SLC2A11: variants seen among roughly 807,000 people sequenced by gnomAD.
SLC2A11 encodes solute carrier family 2 member 11.
In SLC2A11, 43 loss-of-function variants were observed where a neutral mutation model predicts 52.1. The observed-to-expected ratio is 0.82, with a 90% CI of 0.65 to 1.06. The LOEUF is 1.06. Ranked by LOEUF, SLC2A11 falls within the 50% of genes least tolerant of loss-of-function variation. The pLI is 0.00. For synonymous variants in SLC2A11, 261 were observed against 277.6 expected (o/e 0.94, Z 0.59); for missense variants, 582 against 654.2 (o/e 0.89, Z 1.20).
In SLC2A11 at chr22:23,882,847, A is replaced by C; in HGVS notation, c.971A>C (p.Glu324Ala). 6.2e-7 allele frequency: 1 copy of C among 1,613,192 alleles called. No individual in the cohort carries two copies. Among genetic ancestry groups the C allele is most frequent in the Non-Finnish European group, 8.5e-7 (1 of 1,179,596 alleles). Reference sequence around the variant, plus strand: ...GCGATCATCGGGACTGGGAGCTGCGAGCTGCTCACGGCGGTTGTTAGTGTG... The same window carrying C: ...GCGATCATCGGGACTGGGAGCTGCGCGCTGCTCACGGCGGTTGTTAGTGTG... ...QYAIIGTGSC[E>A]LLTAVVSCVV... The change falls in exon 8 of 12, where the codon GAG (glutamate) becomes GCG (alanine). Residue 324 changes from glutamate to alanine, a missense_variant. Glu to Ala is a moderately radical substitution (Grantham distance 107). Transcript: ENST00000316185.
intron 6 of SLC2A11, chr22:23,882,071 CACACACACACAGAG>C: frequency 3.6e-6 from 1 of 279,222 alleles, no homozygotes; most frequent in Non-Finnish European, 6.7e-6. Flanking sequence ...GAGAGAAACA[CACACACACACAGAG>C]ACACACACAG....
In SLC2A11 at chr22:23,877,075, G is replaced by A. The variant is rs768693426; in HGVS notation, c.449G>A (p.Gly150Glu). 1.2e-6 allele frequency: 2 copies of A among 1,613,998 alleles called. No individual in the cohort carries two copies. Among genetic ancestry groups the A allele is most frequent in the Non-Finnish European group, 1.7e-6 (2 of 1,179,986 alleles). The part of the protein sequence containing the change: ...VSMNIQPMYL[G>E]ESAPKELRGA... ...ATGAACATCCAGCCCATGTACCTGG[G>A]GGAGAGCGCCCCTAAGGAGCTCCGA... Residue 150 changes from glycine to glutamate, a missense_variant, in exon 5 of 12, where the codon GGG (glycine) becomes GAG (glutamate). Transcript: ENST00000316185.
intron 1 of SLC2A11, 158 bp downstream of exon 1, chr22:23,858,187 A>T: frequency 8.8e-7 from 1 of 1,136,706 alleles, no homozygotes. Flanking sequence ...TGCTAGGCTC[A>T]GATGTGCATA....
At chr22:23,857,587 C>A (rs1405820562), upstream of SLC2A11, 2 of 1,451,822 alleles carry the variant, frequency 1.4e-6, no homozygotes, top group South Asian at 2.4e-5. Flanking sequence ...ACCCCCCCCC[C>A]GCGGCGGCGA....
intron 2 of SLC2A11, chr22:23,865,485 G>A (rs1309701873): frequency 6.6e-6 from 1 of 152,282 alleles, no homozygotes; most frequent in Non-Finnish European, 1.5e-5. Flanking sequence ...TATTCAAGAG[G>A]TGGCAAGCAC....
At chr22:23,883,096 C>A (rs1433186419) in intron 8 of SLC2A11, 1 of 594,128 alleles carries the variant, frequency 1.7e-6, no homozygotes, top group South Asian at 1.8e-5. Context: ...CCCGTCTCTA[C>A]TAAAAAATAC....
intron 8 of SLC2A11, chr22:23,883,231 C>T (rs2032890469): frequency 2.6e-6 from 1 of 378,416 alleles, no homozygotes; most frequent in Non-Finnish European, 5.1e-6. Flanking sequence ...CATTGCACTC[C>T]AGCCCAGGCA....
chr22:23,874,926 C>T (rs1008892722), intron 3 of SLC2A11, among the ~76,000 whole-genome samples, 191 bp from the exon 4 acceptor site: 2 of 152,122 alleles, frequency 1.3e-5, no homozygotes, highest in South Asian at 2.1e-4. Context: ...TTACAACAGA[C>T]GTGTAAGTGT....
At chr22:23,857,299 G>A (rs2031869012), upstream of SLC2A11, 2 of 935,868 alleles carry the variant, frequency 2.1e-6, no homozygotes, top group Admixed American at 4.2e-5. Context: ...AGGGGCCAGA[G>A]CCGGAATTTC....
chr22:23,862,171 A>G lies in SLC2A11; in HGVS notation c.98A>G (p.Tyr33Cys), dbSNP rs753237184. ...AGIGGTFQFG[Y>C]NLSIINAPTL... ...ATTGGTGGGACTTTTCAGTTTGGCT[A>G]TAACCTCTCTATCATCAATGCCCCG... The change falls in exon 2 of 12, where the codon TAT becomes TGT. Residue 33 changes from tyrosine (Y) to cysteine (C), a missense_variant. Transcript: ENST00000316185. 24 of 1,613,828 alleles carry G rather than the reference A, an allele frequency of 1.5e-5. No individual in the cohort carries two copies. The highest frequency in any genetic ancestry group is 1.8e-5 in the Non-Finnish European group (21 of 1,179,944).
At chr22:23,858,255 G>C (rs1044245730) in intron 1 of SLC2A11, 1 of 703,532 alleles carries the variant, frequency 1.4e-6, no homozygotes, top group Non-Finnish European at 2.6e-6. Flanking sequence ...CTGGACCCTG[G>C]CATCCCAGCC....
In SLC2A11 at chr22:23,882,553, C is replaced by A; in HGVS notation, c.789C>A (p.Arg263=). Residue 263 remains arginine, a synonymous_variant, in exon 7 of 12, where the codon CGC becomes CGA. Transcript: ENST00000316185. ...RAACQGCRAR[R]PWELFQHRAL... is the part of the protein sequence containing the mutation. ...CCTGCCAGGGCTGCCGTGCCCGGCG[C>A]CCATGGGAGCTGTTCCAGCATCGGG... 6.2e-7 allele frequency: 1 copy of A among 1,611,308 alleles called. No homozygotes were observed. The highest frequency in any genetic ancestry group is 8.5e-7 in the Non-Finnish European group (1 of 1,179,048).
chr22:23,862,865 C>T (rs907446754), intron 2 of SLC2A11, among the ~76,000 whole-genome samples: 3 of 152,258 alleles, frequency 2.0e-5, no homozygotes, highest in Non-Finnish European at 2.9e-5. Flanking sequence ...TCATGTGATC[C>T]GCCTGCCTCA....
rs767788279 is a variant in SLC2A11, at chr22:23,858,042, A to G, written c.30+13A>G. On this transcript the variant is annotated intron_variant, in intron 1 of 11. Coordinates refer to ENST00000316185, the MANE Select transcript of SLC2A11 (RefSeq NM_001024939.4). ...GCGATCTAGAATGGTATGAATTCTC[A>G]TACTTGCCCAGACCAGGCGTTTCAG... The G allele has an allele frequency of 6.4e-7, 1 of 1,556,438 alleles. No individual in the cohort carries two copies. The highest frequency in any genetic ancestry group is 1.2e-5 in the South Asian group (1 of 84,390).
At position 23,877,935 on chromosome 22, in the gene SLC2A11, G is replaced by C. The variant is rs558690362; in HGVS notation, c.694+66G>C. On this transcript the variant is annotated intron_variant, in intron 6 of 11. Coordinates refer to ENST00000316185, the MANE Select transcript of SLC2A11 (RefSeq NM_001024939.4). ...AGGGATGCATCTCCCCAGAGTATAC[G>C]GGTCCCCATTTCATAGGTTTCATTT... The C allele has an allele frequency of 2.1e-5, 31 of 1,497,558 alleles. No individual in the cohort carries two copies. In the East Asian group the frequency reaches 5.6e-4, roughly 27 times the overall value. 92.8% of individuals were successfully genotyped at this position (1,497,558 alleles called of 1,614,324 possible). A position where few individuals can be genotyped will look rare whatever the true frequency, so the allele number is the denominator to read the frequency against.
At chr22:23,863,215 C>T (rs2032135491) in intron 2 of SLC2A11, among the ~76,000 whole-genome samples, 2 of 152,176 alleles carry the variant, frequency 1.3e-5, no homozygotes, top group South Asian at 4.1e-4. Flanking sequence ...CTGTAGAAGC[C>T]CACCCCAGAT....
chr22:23,863,522 T>G (rs2032147941), intron 2 of SLC2A11, among the ~76,000 whole-genome samples: 1 of 151,712 alleles, frequency 6.6e-6, no homozygotes, highest in Non-Finnish European at 1.5e-5. Flanking sequence ...GATGTGGGGC[T>G]TCACACAGCA....
intron 2 of SLC2A11, chr22:23,867,823 T>G (rs1015294012): frequency 5.8e-5 from 27 of 466,126 alleles, no homozygotes; most frequent in Non-Finnish European, 1.1e-4. Flanking sequence ...AGCAACCTAC[T>G]CTCCCAGGAT....
chr22:23,882,768 T>C lies in SLC2A11; in HGVS notation c.892T>C (p.Tyr298His), dbSNP rs2032867297. 1 of 1,612,430 alleles carries C rather than the reference T, an allele frequency of 6.2e-7. No homozygotes were observed. Among genetic ancestry groups the C allele is most frequent in the South Asian group, 1.1e-5 (1 of 90,792 alleles). ...ELCGNDSVYA[Y>H]ASSVFRKAGV... The stretch of plus-strand genomic sequence containing the variant: ...AGCCACCCTCTCCCAGGTGTACGCC[T>C]ACGCCTCCTCCGTGTTCCGGAAGGC... The change falls in exon 8 of 12, where the codon TAC (tyrosine) becomes CAC (histidine). Residue 298 changes from tyrosine to histidine, a missense_variant. Transcript: ENST00000316185.
Sources: allele counts gnomAD v4.1 joint callset (sites outside exome capture counted in the v4.1 genomes callset), GRCh38; gene constraint gnomAD v4.1.1; transcripts MANE v1.5; gene names NCBI Gene and HGNC (gene_info 2026-07-23, HGNC 2026-07-21).